Variants in SLC35F4 observed in about 807,000 individuals in gnomAD.
SLC35F4 encodes the protein chromosome 14 open reading frame 36.
SLC35F4 carries 24 observed loss-of-function variants against 44.2 expected under a neutral mutation model. The ratio of observed to expected loss-of-function variants is 0.54; its 90% CI spans 0.39 to 0.76. The LOEUF is 0.76. Among genes scored for constraint, SLC35F4 ranks in the 30% least tolerant of loss-of-function variants. The pLI, the probability that SLC35F4 is intolerant of heterozygous loss-of-function variation, is 0.00. For synonymous variants in SLC35F4, 238 were observed against 223.6 expected (o/e 1.06, Z -0.57); for missense variants, 562 against 586.1 (o/e 0.96, Z 0.42).
Position 57,865,725 on chromosome 14 carries a change from T to C in SLC35F4, c.101A>G (p.Lys34Arg), listed in dbSNP as rs1008248912. 3 of 1,517,886 alleles carry C rather than the reference T, an allele frequency of 2.0e-6. No homozygotes were observed. Among genetic ancestry groups the C allele is most frequent in the Non-Finnish European group, 2.6e-6 (3 of 1,139,052 alleles). 94.0% of individuals were successfully genotyped at this position (1,517,886 alleles called of 1,614,324 possible). ...YGYYPGYSSQ[K>R]STSRSSVTRC... Reference sequence around the variant, plus strand: ...AGGGCAGCCGCGCGGCGTCTTACTTTTCTGGCTGGAGTAACCTGGATAATA... The same window carrying C: ...AGGGCAGCCGCGCGGCGTCTTACTTCTCTGGCTGGAGTAACCTGGATAATA... The change falls in exon 1 of 8, where the codon AAA (lysine) becomes AGA (arginine). Residue 34 changes from lysine to arginine, a missense_variant and splice_region_variant. By Grantham distance (26) the Lys-to-Arg change is conservative. Coordinates refer to ENST00000556826, the MANE Select transcript of SLC35F4 (RefSeq NM_001306087.2).
intron 1 of SLC35F4, among the ~76,000 whole-genome samples, chr14:57,898,195 A>G (rs1888925079): frequency 6.6e-6 from 1 of 152,240 alleles, no homozygotes; most frequent in Non-Finnish European, 1.5e-5. Context: ...TTAGTTTGCT[A>G]GACTAACAAG....
At chr14:57,712,468 C>T (rs1414662582) in intron 1 of SLC35F4, among the ~76,000 whole-genome samples, 2 of 152,146 alleles carry the variant, frequency 1.3e-5, no homozygotes, top group Non-Finnish European at 2.9e-5. Flanking sequence ...AATACATTGG[C>T]TACTAGCTCA....
chr14:57,686,485 C>G (rs940842209), intron 1 of SLC35F4, among the ~76,000 whole-genome samples: 3 of 152,156 alleles, frequency 2.0e-5, no homozygotes, highest in African/African-American at 7.2e-5. Context: ...CCCTTTTTAA[C>G]AGCTCCCTCC....
intron 1 of SLC35F4, among the ~76,000 whole-genome samples, chr14:57,646,005 T>G (rs1015345241): frequency 6.6e-6 from 1 of 152,208 alleles, no homozygotes; most frequent in Non-Finnish European, 1.5e-5. Context: ...CTTTTTGATG[T>G]GCTGCTGGAT....
At chr14:57,708,949 G>T (rs556921027) in intron 1 of SLC35F4, among the ~76,000 whole-genome samples, 1 of 152,304 alleles carries the variant, frequency 6.6e-6, no homozygotes, top group South Asian at 2.1e-4. Context: ...CATTATTTCT[G>T]CATATCAGAG....
At chr14:57,677,304 C>A (rs1248621475) in intron 1 of SLC35F4, among the ~76,000 whole-genome samples, 1 of 151,666 alleles carries the variant, frequency 6.6e-6, no homozygotes, top group Non-Finnish European at 1.5e-5. Flanking sequence ...ATATTAGGTA[C>A]AGGGTAAACT....
At chr14:57,883,269 G>C (rs528423002) in intron 1 of SLC35F4, among the ~76,000 whole-genome samples, 1 of 152,194 alleles carries the variant, frequency 6.6e-6, no homozygotes, top group Admixed American at 6.5e-5. Flanking sequence ...ATTGTGGCAA[G>C]AGCCAATAGA....
intron 1 of SLC35F4, among the ~76,000 whole-genome samples, chr14:57,616,950 G>A (rs1034260281): frequency 6.6e-6 from 1 of 151,768 alleles, no homozygotes; most frequent in African/African-American, 2.4e-5. Flanking sequence ...CTCAATCAGA[G>A]CCACAGACAC....
intron 1 of SLC35F4, among the ~76,000 whole-genome samples, chr14:57,694,131 T>C (rs182952439): frequency 2.6e-4 from 39 of 152,282 alleles, no homozygotes; most frequent in Admixed American, 3.3e-4. Context: ...AAATAGAACA[T>C]TGGGAGTACC....
chr14:57,837,887 C>T (rs1240668880), intron 1 of SLC35F4, among the ~76,000 whole-genome samples: 2 of 152,220 alleles, frequency 1.3e-5, no homozygotes, highest in African/African-American at 4.8e-5. Flanking sequence ...CAAATATCTT[C>T]CATGGCTCCC....
At chr14:57,772,943 T>C (rs1342189968) in intron 1 of SLC35F4, among the ~76,000 whole-genome samples, 1 of 152,194 alleles carries the variant, frequency 6.6e-6, no homozygotes, top group Non-Finnish European at 1.5e-5. Context: ...CTGTTTTCCA[T>C]AGAGGTTGAA....
chr14:57,856,942 T>C (rs752538101), intron 1 of SLC35F4, among the ~76,000 whole-genome samples: 1 of 152,084 alleles, frequency 6.6e-6, no homozygotes, highest in Non-Finnish European at 1.5e-5. Context: ...TTCTTTCTTA[T>C]GATTCAGTAA....
chr14:57,821,851 G>A (rs1367298356), intron 1 of SLC35F4, among the ~76,000 whole-genome samples: 1 of 152,170 alleles, frequency 6.6e-6, no homozygotes, highest in African/African-American at 2.4e-5. Context: ...GTTCTGAGGA[G>A]GCCAGCATAC....
intron 1 of SLC35F4, among the ~76,000 whole-genome samples, chr14:57,922,555 T>A (rs893939292): frequency 2.0e-4 from 31 of 152,230 alleles, no homozygotes; most frequent in African/African-American, 7.0e-4. Context: ...TTATTACTGA[T>A]GCCTGAAAGA....
intron 1 of SLC35F4, among the ~76,000 whole-genome samples, chr14:57,948,257 T>C (rs950707003): frequency 1.3e-5 from 2 of 152,174 alleles, no homozygotes; most frequent in Non-Finnish European, 2.9e-5. Flanking sequence ...TGATTTAATC[T>C]AGAAGGATTG....
At chr14:57,747,709 A>T (rs118162348) in intron 1 of SLC35F4, among the ~76,000 whole-genome samples, 1,835 of 152,336 alleles carry the variant, frequency 0.012, 15 homozygotes, top group Non-Finnish European at 0.02. Context: ...TAGCTGCAAT[A>T]CTATTATGCT....
chr14:57,745,778 C>T (rs76521711), intron 1 of SLC35F4, among the ~76,000 whole-genome samples: 55,478 of 151,904 alleles, frequency 0.37, 10,211 homozygotes, highest in African/African-American at 0.42. Flanking sequence ...TAAAGACACA[C>T]GCACCCATAT....
chr14:57,909,691 G>A (rs1489779889), intron 1 of SLC35F4, among the ~76,000 whole-genome samples: 2 of 151,940 alleles, frequency 1.3e-5, no homozygotes, highest in African/African-American at 2.4e-5. Context: ...CTGTCTGAAT[G>A]TAACACAGTT....
intron 1 of SLC35F4, among the ~76,000 whole-genome samples, chr14:57,649,279 T>C (rs1481936462): frequency 2.0e-4 from 31 of 152,202 alleles, no homozygotes; most frequent in Admixed American, 2.0e-3. Context: ...ATTTATTATA[T>C]TGCAGTTTTG....
Sources: allele counts gnomAD v4.1 joint callset (sites outside exome capture counted in the v4.1 genomes callset), GRCh38; gene constraint gnomAD v4.1.1; transcripts MANE v1.5; gene names NCBI Gene and HGNC (gene_info 2026-07-23, HGNC 2026-07-21).